Variants in ABTB2 observed in about 807,000 individuals in gnomAD.
ABTB2 encodes ankyrin repeat and BTB/POZ domain-containing protein 2.
In ABTB2, 56 loss-of-function variants were observed where a neutral mutation model predicts 104.1. The observed-to-expected ratio is 0.54, with a 90% CI of 0.43 to 0.67. The LOEUF (loss-of-function observed/expected upper bound fraction) is 0.67, where lower values mean the gene tolerates loss of function less well. ABTB2 is among the 30% of genes least tolerant of loss of function. ABTB2 has a pLI of 0.00. For missense variants in ABTB2, 1,279 were observed against 1,407.7 expected (o/e 0.91, Z 1.46); for synonymous variants, 606 against 608.2 (o/e 1.00, Z 0.05).
intron 1 of ABTB2, among the ~76,000 whole-genome samples, chr11:34,318,293 C>CG (rs1163363572): frequency 1.3e-5 from 2 of 152,082 alleles, no homozygotes; most frequent in Admixed American, 1.3e-4. Flanking sequence ...TTCCTAGTGT[C>CG]TATTTTTTCC....
At chr11:34,164,925 G>A (rs1852777619) in intron 8 of ABTB2, 104 bp from the exon 9 acceptor site, 1 of 1,381,746 alleles carries the variant, frequency 7.2e-7, no homozygotes, top group Non-Finnish European at 9.7e-7. Context: ...TCTGAGTGCT[G>A]GAATAAGTCA....
intron 1 of ABTB2, among the ~76,000 whole-genome samples, chr11:34,331,635 T>C (rs1398723028): frequency 6.6e-6 from 1 of 152,190 alleles, no homozygotes; most frequent in Non-Finnish European, 1.5e-5. Context: ...GTAATGAGGT[T>C]ACTCTCTTAC....
intron 1 of ABTB2, among the ~76,000 whole-genome samples, chr11:34,315,479 A>C (rs1854915222): frequency 6.6e-6 from 1 of 152,142 alleles, no homozygotes; most frequent in African/African-American, 2.4e-5. Context: ...TGGGCAGCTA[A>C]AAAGCTCTGG....
chr11:34,223,413 C>T (rs1300000372), intron 1 of ABTB2, among the ~76,000 whole-genome samples: 1 of 152,204 alleles, frequency 6.6e-6, no homozygotes, highest in Non-Finnish European at 1.5e-5. Flanking sequence ...TTTCTTAGTT[C>T]TTGATTTGGA....
At chr11:34,292,026 A>C (rs141226291) in intron 1 of ABTB2, among the ~76,000 whole-genome samples, 31 of 152,252 alleles carry the variant, frequency 2.0e-4, no homozygotes, top group African/African-American at 7.2e-4. Flanking sequence ...ATATATACTA[A>C]TTTGCCAAGT....
At chr11:34,194,547 T>C (rs931112750) in intron 3 of ABTB2, among the ~76,000 whole-genome samples, 5 of 151,588 alleles carry the variant, frequency 3.3e-5, no homozygotes, top group African/African-American at 1.2e-4. Flanking sequence ...GGTATCAGGG[T>C]GCTGGGGCCT....
chr11:34,229,135 A>AAAAAAAAG (rs55739607), intron 1 of ABTB2, among the ~76,000 whole-genome samples: 1 of 94,442 alleles, frequency 1.1e-5, no homozygotes, highest in Non-Finnish European at 2.4e-5. Context: ...AAAAAAAAAA[A>AAAAAAAAG]GAGAAAAAAG....
rs1335311210 is a variant in ABTB2 at position 34,252,951 on chromosome 11, G to A, written c.884-48261C>T. On this transcript the variant is annotated intron_variant, in intron 1 of 16. Transcript: ENST00000435224. This position sits in a 1 kb window ranked among gnomAD's most constrained non-coding sequence, Gnocchi z 5.5. The stretch of plus-strand genomic sequence containing the variant: ...CCCAGGAGGAAGAGCTGCTTTGGCA[G>A]CTGCCCTTGGTGGAGAAACCTACGT... Among the ~76,000 whole-genome samples, 3 of 152,106 alleles carry A rather than the reference G, an allele frequency of 2.0e-5. No homozygotes were observed.
Position 34,160,996 on chromosome 11 carries a change from C to T in ABTB2, c.2304G>A (p.Leu768=). ...QSRYSVVQSL[L]RDFSSIREEE... is the part of the protein sequence containing the mutation. ...CCTCTCTGATGGAGCTGAAGTCCCG[C>T]AGGAGGCTCTGCACCACCGAGTACC... The change falls in exon 11 of 17, where the codon CTG becomes CTA. Residue 768 remains leucine (L), a synonymous_variant. Transcript: ENST00000435224. The T allele has an allele frequency of 6.2e-7, 1 of 1,613,772 alleles. No individual in the cohort carries two copies. Among genetic ancestry groups the T allele is most frequent in the Non-Finnish European group, 8.5e-7 (1 of 1,179,900 alleles).
Position 34,162,822 on chromosome 11 carries a change from G to A in ABTB2, c.1989-17C>T, listed in dbSNP as rs757578829. On this transcript the variant is annotated splice_polypyrimidine_tract_variant and intron_variant, in intron 9 of 16. Transcript: ENST00000435224. ...AGGACGTTCCTGCAGGCCCAGGGAT[G>A]AATGAAGGTGAGGGCTGAAGTCCCA... is the stretch of plus-strand genomic sequence containing the variant. The A allele has an allele frequency of 3.2e-6, 5 of 1,586,814 alleles. No homozygotes were observed. Among genetic ancestry groups the A allele is most frequent in the African/African-American group, 1.3e-5 (1 of 74,610 alleles).
At chr11:34,272,860 G>A (rs1854336555) in intron 1 of ABTB2, among the ~76,000 whole-genome samples, 1 of 152,026 alleles carries the variant, frequency 6.6e-6, no homozygotes, top group African/African-American at 2.4e-5. Context: ...GTGGTTAAGT[G>A]TACAGCCTCT....
intron 1 of ABTB2, among the ~76,000 whole-genome samples, chr11:34,206,879 T>A (rs967151230): frequency 1.3e-5 from 2 of 152,068 alleles, no homozygotes; most frequent in East Asian, 3.8e-4. Flanking sequence ...TCCCTTTGCC[T>A]CTCCTGGATG....
intron 1 of ABTB2, among the ~76,000 whole-genome samples, chr11:34,329,126 C>A (rs1483470311): frequency 6.6e-6 from 1 of 152,184 alleles, no homozygotes; most frequent in Non-Finnish European, 1.5e-5. Context: ...ATATTTAAGA[C>A]ACCCTCTAAA....
intron 1 of ABTB2, among the ~76,000 whole-genome samples, chr11:34,332,076 T>C (rs568906222): frequency 6.6e-6 from 1 of 152,250 alleles, no homozygotes; most frequent in Non-Finnish European, 1.5e-5. Context: ...CTTCCCAGTA[T>C]AGTATGCAAT....
chr11:34,238,795 C>T (rs75212993), intron 1 of ABTB2, among the ~76,000 whole-genome samples: 2 of 152,096 alleles, frequency 1.3e-5, no homozygotes, highest in South Asian at 4.1e-4. Flanking sequence ...ACTCTGTCGC[C>T]GAGGCTGGAG....
At chr11:34,177,872 G>A (rs139827880) in intron 3 of ABTB2, among the ~76,000 whole-genome samples, 1 of 152,122 alleles carries the variant, frequency 6.6e-6, no homozygotes, top group East Asian at 1.9e-4. Context: ...TGGCTGCAAC[G>A]CCTTCTTGAT....
intron 1 of ABTB2, among the ~76,000 whole-genome samples, chr11:34,276,818 C>A (rs1378501128): frequency 1.3e-5 from 2 of 152,194 alleles, no homozygotes; most frequent in South Asian, 4.1e-4. Flanking sequence ...CTAATAACCT[C>A]TCAGATCCAG....
At chr11:34,206,633 T>C (rs867773638) in intron 1 of ABTB2, among the ~76,000 whole-genome samples, 6 of 152,202 alleles carry the variant, frequency 3.9e-5, no homozygotes, top group African/African-American at 1.4e-4. Context: ...TATGACAATA[T>C]GGCTGTATTA....
chr11:34,155,530 C>A (rs1852612264), intron 14 of ABTB2, among the ~76,000 whole-genome samples: 1 of 152,222 alleles, frequency 6.6e-6, no homozygotes. Context: ...ACAATTCTTT[C>A]TGGCTGGCTG....
Sources: allele counts gnomAD v4.1 joint callset (sites outside exome capture counted in the v4.1 genomes callset), GRCh38; gene constraint gnomAD v4.1.1; non-coding constraint Gnocchi (gnomAD v3.1); transcripts MANE v1.5; gene names NCBI Gene and HGNC (gene_info 2026-07-23, HGNC 2026-07-21).